Variants in AKAP13 observed in about 807,000 individuals in gnomAD.
AKAP13 encodes A-kinase anchoring protein 13, also known as A-kinase anchor protein 13.
AKAP13 carries 80 observed loss-of-function variants against 264.5 expected under a neutral mutation model. That is an observed-to-expected ratio of 0.30 (90% CI 0.25 to 0.36). The LOEUF is 0.36. AKAP13 is among the 10% of genes least tolerant of loss of function. AKAP13 has a pLI of 1.00. For missense variants in AKAP13, 3,712 were observed against 3,435.2 expected (o/e 1.08, Z -2.01); for synonymous variants, 1,380 against 1,250.2 (o/e 1.10, Z -2.19).
intron 10 of AKAP13, among the ~76,000 whole-genome samples, chr15:85,649,074 A>C (rs2151498923): frequency 6.6e-6 from 1 of 152,338 alleles, no homozygotes; most frequent in Non-Finnish European, 1.5e-5. Context: ...CTGACTTACA[A>C]AAAGGAGAGA....
At chr15:85,557,964 C>T (rs756149584) in intron 5 of AKAP13, among the ~76,000 whole-genome samples, 12 of 152,156 alleles carry the variant, frequency 7.9e-5, no homozygotes, top group Non-Finnish European at 1.3e-4. Flanking sequence ...AAACCTTGTC[C>T]AATGGGTCTA....
intron 1 of AKAP13, among the ~76,000 whole-genome samples, chr15:85,467,854 C>G (rs1200008702): frequency 6.6e-6 from 1 of 152,174 alleles, no homozygotes; most frequent in African/African-American, 2.4e-5. Flanking sequence ...CCCATTAGAT[C>G]CAGCAAGTTT....
At chr15:85,626,835 G>A (rs535119988) in intron 8 of AKAP13, among the ~76,000 whole-genome samples, 1 of 151,648 alleles carries the variant, frequency 6.6e-6, no homozygotes, top group Non-Finnish European at 1.5e-5. Flanking sequence ...ACTGTTTTCC[G>A]CAGTGCCTGC....
chr15:85,719,834 G>GA (rs1326426877), intron 23 of AKAP13, among the ~76,000 whole-genome samples: 1 of 151,818 alleles, frequency 6.6e-6, no homozygotes, highest in Non-Finnish European at 1.5e-5. Flanking sequence ...AGAATCGCTT[G>GA]AACCTGGGAG....
Position 85,652,997 on chromosome 15 carries a change from A to G in AKAP13, c.4375-2420A>G, listed in dbSNP as rs149004209. On this transcript the variant is annotated intron_variant, in intron 10 of 36. Coordinates refer to ENST00000394518, the MANE Select transcript of AKAP13 (RefSeq NM_007200.5). Reference sequence around the variant, plus strand: ...AGCTCACATTCTGAGAAGGACCTGTATCTGAGGAGGACATTATTCAACCCA... The same window carrying G: ...AGCTCACATTCTGAGAAGGACCTGTGTCTGAGGAGGACATTATTCAACCCA... Among the ~76,000 whole-genome samples, 5 of 152,300 alleles carry G rather than the reference A, an allele frequency of 3.3e-5. No homozygotes were observed. The Middle Eastern group carries it at 0.017, about 518-fold the overall frequency.
At chr15:85,434,463 C>T (rs1387827208) in intron 1 of AKAP13, among the ~76,000 whole-genome samples, 2 of 152,326 alleles carry the variant, frequency 1.3e-5, no homozygotes, top group South Asian at 4.1e-4. Flanking sequence ...CTGGGTGGAG[C>T]CCACCACAGC....
chr15:85,565,734 T>C (rs1167287017), intron 5 of AKAP13, among the ~76,000 whole-genome samples: 1 of 152,216 alleles, frequency 6.6e-6, no homozygotes, highest in Non-Finnish European at 1.5e-5. Context: ...GGTATGGGCC[T>C]CATAGTTCAC....
chr15:85,455,475 C>T (rs1014151401), intron 1 of AKAP13, among the ~76,000 whole-genome samples: 9 of 151,958 alleles, frequency 5.9e-5, no homozygotes, highest in South Asian at 4.2e-4. Flanking sequence ...GCATGAGCGG[C>T]GGGAGGGGAA....
chr15:85,421,595 C>T (rs1446818092), intron 1 of AKAP13, among the ~76,000 whole-genome samples: 1 of 152,238 alleles, frequency 6.6e-6, no homozygotes, highest in Non-Finnish European at 1.5e-5. Context: ...GCGCGCGCGC[C>T]TGTGCACACT....
intron 5 of AKAP13, among the ~76,000 whole-genome samples, chr15:85,569,023 C>T (rs182275239): frequency 8.7e-4 from 133 of 152,196 alleles, no homozygotes; most frequent in Non-Finnish European, 1.5e-3. Context: ...ATTGCAAACA[C>T]GAAGTCAACA....
At chr15:85,642,209 T>C (rs1251133569) in intron 9 of AKAP13, among the ~76,000 whole-genome samples, 1 of 152,248 alleles carries the variant, frequency 6.6e-6, no homozygotes, top group African/African-American at 2.4e-5. Flanking sequence ...TTCTGGTTAC[T>C]GTATGTATAA....
chr15:85,427,190 T>C (rs1453028870), intron 1 of AKAP13, among the ~76,000 whole-genome samples: 1 of 151,922 alleles, frequency 6.6e-6, no homozygotes, highest in Non-Finnish European at 1.5e-5. Flanking sequence ...CTCATGTCCT[T>C]GTGATCCGCC....
At chr15:85,644,184 A>G (rs1164545073) in intron 9 of AKAP13, among the ~76,000 whole-genome samples, 1 of 151,950 alleles carries the variant, frequency 6.6e-6, no homozygotes, top group Non-Finnish European at 1.5e-5. Flanking sequence ...GGTTGTCCAA[A>G]TAACACATTA....
At chr15:85,593,338 C>T (rs2079664670) in intron 8 of AKAP13, among the ~76,000 whole-genome samples, 1 of 151,866 alleles carries the variant, frequency 6.6e-6, no homozygotes, top group Non-Finnish European at 1.5e-5. Flanking sequence ...AACAAAAAAA[C>T]AGAAAACCAA....
At chr15:85,554,217 AT>A (rs1372197887) in intron 5 of AKAP13, among the ~76,000 whole-genome samples, 1 of 152,132 alleles carries the variant, frequency 6.6e-6, no homozygotes, top group Admixed American at 6.5e-5. Flanking sequence ...AACATCTCTT[AT>A]AGGCCTCAGT....
intron 30 of AKAP13, among the ~76,000 whole-genome samples, chr15:85,732,222 C>G (rs1294506535): frequency 6.6e-6 from 1 of 152,036 alleles, no homozygotes; most frequent in African/African-American, 2.4e-5. Flanking sequence ...TCTTTTAGAG[C>G]TACTGGTATA....
rs1231952817 is a variant in AKAP13, at chr15:85,684,745, A to G, written c.5161A>G (p.Thr1721Ala). The G allele has an allele frequency of 2.5e-6, 4 of 1,610,922 alleles. No homozygotes were observed. The Admixed American group carries it at 6.7e-5, about 27-fold the overall frequency. ...NTSANLTESI[T>A]EENYNFLPHS... Reference sequence around the variant, plus strand: ...AATCTTCTTGTTTTTATTTAGTATAACAGAAGAGAACTATAATTTCCTGCC... The same window carrying G: ...AATCTTCTTGTTTTTATTTAGTATAGCAGAAGAGAACTATAATTTCCTGCC... Residue 1721 changes from threonine (T) to alanine (A), a missense_variant, in exon 16 of 37, where the codon ACA becomes GCA. Coordinates refer to ENST00000394518, the MANE Select transcript of AKAP13 (RefSeq NM_007200.5).
intron 3 of AKAP13, among the ~76,000 whole-genome samples, chr15:85,530,126 C>G (rs1450896505): frequency 6.6e-6 from 1 of 152,178 alleles, no homozygotes; most frequent in African/African-American, 2.4e-5. Context: ...GCTAATGCAG[C>G]AGAAAGAGAT....
intron 8 of AKAP13, among the ~76,000 whole-genome samples, chr15:85,628,299 T>A (rs964497419): frequency 6.6e-6 from 1 of 152,178 alleles, no homozygotes; most frequent in African/African-American, 2.4e-5. Context: ...TACCTTAACC[T>A]GGTTTCTTGC....
Sources: gnomAD v4.1 joint callset for allele counts (sites outside exome capture counted in the v4.1 genomes callset) on GRCh38, gnomAD v4.1.1 for gene constraint, MANE v1.5 for transcripts, NCBI Gene and HGNC (gene_info 2026-07-23, HGNC 2026-07-21) for gene names.